The following AMPH variants were observed in gnomAD, a reference collection of about 807,000 sequenced individuals.
AMPH encodes the protein amphiphysin, also known as amphiphysin (Stiff-Mann syndrome with breast cancer 128kD autoantigen).
A neutral mutation model predicts 99.1 loss-of-function variants in AMPH; 49 were observed. The ratio of observed to expected loss-of-function variants is 0.49; its 90% CI spans 0.39 to 0.63. The LOEUF (loss-of-function observed/expected upper bound fraction) is 0.63, where lower values mean the gene tolerates loss of function less well. Among genes scored for constraint, AMPH ranks in the 20% least tolerant of loss-of-function variants. The probability of loss-of-function intolerance (pLI) is 0.00; values close to 1 mark genes in which losing one functional copy is unlikely to be tolerated. For synonymous variants in AMPH, 314 were observed against 317.3 expected (o/e 0.99, Z 0.11); for missense variants, 759 against 863.4 (o/e 0.88, Z 1.52).
chr7:38,624,995 C>T (rs1188529951), intron 1 of AMPH, among the ~76,000 whole-genome samples: 1 of 151,966 alleles, frequency 6.6e-6, no homozygotes. Flanking sequence ...AAAAAGCAAC[C>T]AATTATCACC....
At chr7:38,548,027 A>ATT (rs34488266) in intron 1 of AMPH, among the ~76,000 whole-genome samples, 11 of 126,020 alleles carry the variant, frequency 8.7e-5, no homozygotes, top group Middle Eastern at 4.1e-3. Flanking sequence ...TTGTGGGCAA[A>ATT]TTTTTTTTTT....
chr7:38,570,352 C>G (rs1791898479), intron 1 of AMPH, among the ~76,000 whole-genome samples: 1 of 152,086 alleles, frequency 6.6e-6, no homozygotes, highest in African/African-American at 2.4e-5. Flanking sequence ...ATGTTTGTAT[C>G]AATCAGAAAA....
chr7:38,511,011 C>T (rs987800924), intron 2 of AMPH, among the ~76,000 whole-genome samples: 3 of 152,126 alleles, frequency 2.0e-5, no homozygotes. Flanking sequence ...CCACTTCTAA[C>T]CATGCAACTT....
At chr7:38,429,800 C>T (rs753032550) in intron 14 of AMPH, 42 bp downstream of exon 14, 1 of 1,586,224 alleles carries the variant, frequency 6.3e-7, no homozygotes, top group South Asian at 1.1e-5. Flanking sequence ...TAATGCATAT[C>T]AAATACCAAA....
intron 7 of AMPH, among the ~76,000 whole-genome samples, chr7:38,466,923 C>T (rs1482590607): frequency 6.6e-6 from 1 of 152,170 alleles, no homozygotes; most frequent in Non-Finnish European, 1.5e-5. Context: ...AAATCCCTAA[C>T]ATATTTGACT....
intron 20 of AMPH, among the ~76,000 whole-genome samples, chr7:38,387,199 C>T (rs908120048): frequency 2.0e-5 from 3 of 152,118 alleles, no homozygotes; most frequent in African/African-American, 4.8e-5. Flanking sequence ...CTCTTTACCA[C>T]GTATGGTCTA....
At chr7:38,427,990 G>A (rs914720392) in intron 14 of AMPH, 2 of 456,526 alleles carry the variant, frequency 4.4e-6, no homozygotes, top group Non-Finnish European at 8.8e-6. Context: ...AAAATCAATG[G>A]TCTTGCTATC....
intron 14 of AMPH, chr7:38,428,291 T>C (rs953926930): frequency 4.4e-6 from 2 of 456,640 alleles, no homozygotes; most frequent in African/African-American, 4.0e-5. Flanking sequence ...AGTCTATCTC[T>C]GCAATTCTTG....
At chr7:38,506,411 C>A (rs1232132619) in intron 2 of AMPH, among the ~76,000 whole-genome samples, 1 of 151,976 alleles carries the variant, frequency 6.6e-6, no homozygotes, top group Non-Finnish European at 1.5e-5. Context: ...AAATGGAAGC[C>A]CAAGTGGTGG....
At chr7:38,505,788 A>G (rs1789302446) in intron 2 of AMPH, among the ~76,000 whole-genome samples, 1 of 152,132 alleles carries the variant, frequency 6.6e-6, no homozygotes, top group Non-Finnish European at 1.5e-5. Context: ...TTGCAACAAA[A>G]GAAGTGGGTC....
At chr7:38,582,917 TG>T (rs1792518148) in intron 1 of AMPH, among the ~76,000 whole-genome samples, 1 of 152,220 alleles carries the variant, frequency 6.6e-6, no homozygotes, top group Non-Finnish European at 1.5e-5. Flanking sequence ...AAGCACAATT[TG>T]GTCCATAGAT....
At chr7:38,389,634 G>A (rs189730373) in intron 20 of AMPH, among the ~76,000 whole-genome samples, 170 bp downstream of exon 20, 145 of 152,266 alleles carry the variant, frequency 9.5e-4, no homozygotes, top group Middle Eastern at 6.8e-3. Context: ...TCCCAAAAGG[G>A]TGTCCTAGAA....
chr7:38,503,712 A>G lies in AMPH; in HGVS notation c.151-8T>C. The G allele has an allele frequency of 6.2e-7, 1 of 1,613,828 alleles. No homozygotes were observed. The highest frequency in any genetic ancestry group is 8.5e-7 in the Non-Finnish European group (1 of 1,179,758). On this transcript the variant is annotated splice_polypyrimidine_tract_variant and splice_region_variant and intron_variant, in intron 2 of 20. Coordinates refer to ENST00000356264, the MANE Select transcript of AMPH (RefSeq NM_001635.4). ...AAGTCTGGTACCCTCTGCCTAAAAA[A>G]CACAAGCACAGATGCTAAATATCTA... is the stretch of plus-strand genomic sequence containing the variant.
intron 1 of AMPH, among the ~76,000 whole-genome samples, chr7:38,594,905 C>A (rs547252676): frequency 2.0e-4 from 31 of 152,058 alleles, no homozygotes; most frequent in African/African-American, 7.0e-4. Context: ...TTAAAGAAAT[C>A]TAAGGCAGAG....
intron 13 of AMPH, 180 bp from the exon 14 acceptor site, chr7:38,430,045 C>G: frequency 1.8e-6 from 1 of 557,890 alleles, no homozygotes; most frequent in Non-Finnish European, 3.1e-6. Flanking sequence ...TGTTTAAGAC[C>G]ACCATAGAAA....
At chr7:38,540,692 CAAAA>C (rs373768495) in intron 1 of AMPH, among the ~76,000 whole-genome samples, 14 of 19,766 alleles carry the variant, frequency 7.1e-4, no homozygotes, top group African/African-American at 2.1e-3. Context: ...TGACCCCAAG[CAAAA>C]AAAAAAAAAA....
At chr7:38,456,905 T>C (rs1402019604) in intron 11 of AMPH, among the ~76,000 whole-genome samples, 1 of 152,190 alleles carries the variant, frequency 6.6e-6, no homozygotes, top group Non-Finnish European at 1.5e-5. Flanking sequence ...CAACCTGGCA[T>C]CCTTGTCCTC....
At chr7:38,397,595 G>T (rs1191906366) in intron 17 of AMPH, among the ~76,000 whole-genome samples, 1 of 152,178 alleles carries the variant, frequency 6.6e-6, no homozygotes, top group Non-Finnish European at 1.5e-5. Context: ...CTAGGACACT[G>T]GACTGGGTAA....
At chr7:38,470,065 G>A (rs1787820504) in intron 7 of AMPH, among the ~76,000 whole-genome samples, 2 of 152,030 alleles carry the variant, frequency 1.3e-5, no homozygotes. Context: ...TATCAAGCTT[G>A]GGCCCTGTGG....
Sources: allele counts gnomAD v4.1 joint callset (sites outside exome capture counted in the v4.1 genomes callset), GRCh38; gene constraint gnomAD v4.1.1; transcripts MANE v1.5; gene names NCBI Gene and HGNC (gene_info 2026-07-23, HGNC 2026-07-21).